LDAH: variants seen among roughly 807,000 people sequenced by gnomAD.
The protein encoded by LDAH is lipid droplet-associated hydrolase.
In LDAH, 26 loss-of-function variants were observed where a neutral mutation model predicts 29.6. That is an observed-to-expected ratio of 0.88 (90% CI 0.64 to 1.22). LDAH has a LOEUF of 1.22. Ranked by LOEUF, LDAH falls within the 50% of genes most tolerant of loss-of-function variation. LDAH has a pLI of 0.00. For missense variants in LDAH, 344 were observed against 387.3 expected (o/e 0.89, Z 0.94); for synonymous variants, 117 against 133.0 (o/e 0.88, Z 0.83).
chr2:20,699,495 C>T (rs751285405), intron 6 of LDAH, among the ~76,000 whole-genome samples: 1 of 152,246 alleles, frequency 6.6e-6, no homozygotes, highest in Admixed American at 6.5e-5. Flanking sequence ...TTGCAATAAA[C>T]TTCCTGTCTC....
chr2:20,786,847 C>G (rs939024611), intron 3 of LDAH, among the ~76,000 whole-genome samples: 1 of 152,170 alleles, frequency 6.6e-6, no homozygotes, highest in African/African-American at 2.4e-5. Context: ...CCCTTCCCCC[C>G]AGGTTGGATA....
chr2:20,719,572 C>T (rs1413829125), intron 5 of LDAH, among the ~76,000 whole-genome samples: 1 of 152,098 alleles, frequency 6.6e-6, no homozygotes. Flanking sequence ...AATACCAATT[C>T]TACTCAAACT....
At chr2:20,720,342 G>C (rs1480890258) in intron 5 of LDAH, among the ~76,000 whole-genome samples, 1 of 152,012 alleles carries the variant, frequency 6.6e-6, no homozygotes, top group Non-Finnish European at 1.5e-5. Context: ...AAGTAATCAA[G>C]AAAGCAATCC....
intron 1 of LDAH, among the ~76,000 whole-genome samples, chr2:20,810,306 AG>A (rs1558500966): frequency 1.3e-5 from 2 of 152,208 alleles, no homozygotes; most frequent in Non-Finnish European, 2.9e-5. Flanking sequence ...GGGCTACTTA[AG>A]CTTCTTCAGA....
rs1201410054 is a variant in LDAH at position 20,774,986 on chromosome 2, G to A, written c.299-7C>T. The A allele has an allele frequency of 1.9e-6, 3 of 1,575,104 alleles. No homozygotes were observed. The highest frequency in any genetic ancestry group is 1.8e-5 in the Admixed American group (1 of 55,224). On this transcript the variant is annotated splice_region_variant and splice_polypyrimidine_tract_variant and intron_variant, in intron 3 of 6. Transcript: ENST00000237822. ...ATTTCTTGAGCGTTTGAATCTAAAA[G>A]CAAAAATATGAGCACGTTTTCATTA...
intron 1 of LDAH, among the ~76,000 whole-genome samples, chr2:20,808,822 A>G (rs905831338): frequency 2.0e-4 from 31 of 152,238 alleles, no homozygotes; most frequent in African/African-American, 6.0e-4. Context: ...CCAAAGATAT[A>G]TCTTCATGAT....
At chr2:20,728,817 A>G (rs12469741) in intron 5 of LDAH, among the ~76,000 whole-genome samples, 10,169 of 140,040 alleles carry the variant, frequency 0.073, 468 homozygotes, top group East Asian at 0.14. Context: ...GGTTATGGGG[A>G]AAAAAAAAAA....
chr2:20,779,217 A>G (rs1397926839), intron 3 of LDAH, among the ~76,000 whole-genome samples: 1 of 152,214 alleles, frequency 6.6e-6, no homozygotes, highest in East Asian at 1.9e-4. Flanking sequence ...ATAATATTTC[A>G]TATTTTAAAG....
At chr2:20,814,818 TACAG>T (rs1273350172) in intron 1 of LDAH, among the ~76,000 whole-genome samples, 1 of 152,238 alleles carries the variant, frequency 6.6e-6, no homozygotes, top group Non-Finnish European at 1.5e-5. Flanking sequence ...AGTGAGATAC[TACAG>T]ACAATTTTCA....
intron 4 of LDAH, among the ~76,000 whole-genome samples, chr2:20,755,498 C>T (rs1668281378): frequency 6.6e-6 from 1 of 152,022 alleles, no homozygotes; most frequent in Non-Finnish European, 1.5e-5. Flanking sequence ...GTTTCTTTTC[C>T]TATTTTGTTC....
In LDAH at chr2:20,784,417, A is replaced by C. The variant is rs192746310; in HGVS notation, c.298+5838T>G. ...GTGAGACTGTATCTCTAAATAAATA[A>C]ATAAAGTGATTACTGATATAGTTGA... On this transcript the variant is annotated intron_variant, in intron 3 of 6. Coordinates refer to ENST00000237822, the MANE Select transcript of LDAH (RefSeq NM_021925.4). Among the ~76,000 whole-genome samples, 5 of 152,202 alleles carry C rather than the reference A, an allele frequency of 3.3e-5. No individual in the cohort carries two copies. The East Asian group carries it at 7.7e-4, about 24-fold the overall frequency.
intron 5 of LDAH, among the ~76,000 whole-genome samples, chr2:20,721,971 A>G (rs1319614353): frequency 6.6e-6 from 1 of 152,228 alleles, no homozygotes; most frequent in Non-Finnish European, 1.5e-5. Context: ...AAAAGAATGA[A>G]ATCCTGTCAT....
intron 5 of LDAH, among the ~76,000 whole-genome samples, chr2:20,709,800 G>A (rs1254261308): frequency 1.3e-5 from 2 of 152,004 alleles, no homozygotes; most frequent in South Asian, 4.2e-4. Flanking sequence ...GTCATGCAAC[G>A]AAATATTATT....
intron 6 of LDAH, among the ~76,000 whole-genome samples, chr2:20,692,983 G>A (rs1391940350): frequency 1.3e-5 from 2 of 152,194 alleles, no homozygotes; most frequent in African/African-American, 4.8e-5. Flanking sequence ...AGAGCGTAGT[G>A]CAGTGAGTAC....
chr2:20,688,210 G>A (rs138930598), intron 6 of LDAH, among the ~76,000 whole-genome samples: 409 of 152,290 alleles, frequency 2.7e-3, no homozygotes, highest in African/African-American at 9.4e-3. Flanking sequence ...AGAAGTAGTA[G>A]GCAGGAAAGA....
chr2:20,736,011 C>T (rs72784350), intron 5 of LDAH, among the ~76,000 whole-genome samples: 5 of 151,968 alleles, frequency 3.3e-5, no homozygotes, highest in East Asian at 1.9e-4. Context: ...GGGACAGTAC[C>T]GTAGAGCAGG....
chr2:20,754,294 C>T (rs563275407), intron 4 of LDAH, among the ~76,000 whole-genome samples: 1 of 151,826 alleles, frequency 6.6e-6, no homozygotes, highest in Non-Finnish European at 1.5e-5. Context: ...TTGAAACCAG[C>T]CTGGGCAACA....
intron 5 of LDAH, among the ~76,000 whole-genome samples, chr2:20,729,235 G>A (rs1246885698): frequency 6.6e-6 from 1 of 152,166 alleles, no homozygotes; most frequent in Non-Finnish European, 1.5e-5. Flanking sequence ...GCAGCTTTTG[G>A]AGCCTACTTC....
At chr2:20,710,727 T>C (rs1664689848) in intron 5 of LDAH, among the ~76,000 whole-genome samples, 1 of 147,836 alleles carries the variant, frequency 6.8e-6, no homozygotes, top group African/African-American at 2.5e-5. Context: ...TACATATATA[T>C]ACATATATAT....
Sources: gnomAD v4.1 joint callset for allele counts (sites outside exome capture counted in the v4.1 genomes callset) on GRCh38, gnomAD v4.1.1 for gene constraint, MANE v1.5 for transcripts, NCBI Gene and HGNC (gene_info 2026-07-23, HGNC 2026-07-21) for gene names.